The following LTV1 variants were observed in gnomAD, a reference collection of about 807,000 sequenced individuals.
LTV1 encodes protein LTV1 homolog.
Under a neutral mutation model 59.9 loss-of-function variants are expected in LTV1, and 39 were observed. The ratio of observed to expected loss-of-function variants is 0.65; its 90% CI spans 0.50 to 0.85. LTV1 has a LOEUF of 0.85. Among genes scored for constraint, LTV1 ranks in the 40% least tolerant of loss-of-function variants. The pLI is 0.00. For synonymous variants in LTV1, 171 were observed against 189.5 expected (o/e 0.90, Z 0.80); for missense variants, 493 against 549.1 (o/e 0.90, Z 1.02).
In LTV1 at chr6:143,863,104, T is replaced by G. The variant is rs1439959045; in HGVS notation, c.1135T>G (p.Ser379Ala). ...YQPKPKQIRI[S>A]SKTGIPLNVL... is the part of the protein sequence containing the mutation. Reference sequence around the variant, plus strand: ...ATTTCAGCCCAAACAAATTCGAATATCTTCTAAAACAGGAATACCTCTCAA... The same window carrying G: ...ATTTCAGCCCAAACAAATTCGAATAGCTTCTAAAACAGGAATACCTCTCAA... The change falls in exon 10 of 11, where the codon TCT (serine) becomes GCT (alanine). Residue 379 changes from serine (S) to alanine (A), a missense_variant. Ser to Ala is a moderately conservative substitution (Grantham distance 99). Transcript: ENST00000367576. The surrounding 1 kb of genome is among the most constrained non-coding windows in gnomAD (Gnocchi z 4.5). The G allele has an allele frequency of 6.2e-7, 1 of 1,613,738 alleles. No individual in the cohort carries two copies. Among genetic ancestry groups the G allele is most frequent in the Non-Finnish European group, 8.5e-7 (1 of 1,179,808 alleles).
In LTV1 at chr6:143,850,221, A is replaced by AGGGGGAAG; in HGVS notation, c.397+3_397+4insGGGGGAAG. The AGGGGGAAG allele has an allele frequency of 6.2e-7, 1 of 1,608,766 alleles. No homozygotes were observed. The highest frequency in any genetic ancestry group is 8.5e-7 in the Non-Finnish European group (1 of 1,175,934). Reference sequence around the variant, plus strand: ...AAATAAAGCAGCTCCAGTTTCAGGTATTTTTAATTGCTTTATCTTTTCATA... The same window carrying AGGGGGAAG: ...AAATAAAGCAGCTCCAGTTTCAGGTAGGGGGAAGTTTTTAATTGCTTTATCTTTTCATA... On this transcript the variant is annotated splice_donor_region_variant and intron_variant, in intron 4 of 10. Coordinates refer to ENST00000367576, the MANE Select transcript of LTV1 (RefSeq NM_032860.5).
chr6:143,848,469 A>G (rs1353238670), intron 3 of LTV1, among the ~76,000 whole-genome samples: 3 of 152,198 alleles, frequency 2.0e-5, no homozygotes, highest in African/African-American at 7.2e-5. Context: ...GTACACTGCC[A>G]TATGTAGCCT....
In LTV1 at chr6:143,849,086, A is replaced by G. The variant is rs568640147; in HGVS notation, c.310-1045A>G. On this transcript the variant is annotated intron_variant, in intron 3 of 10. Transcript: ENST00000367576. ...CCTGTCAGAAACTCAAGAAGGTCAC[A>G]TGAAAAACTATTAAAGGAGCTTAAT... 6.6e-5 allele frequency among the ~76,000 whole-genome samples: 10 copies of G among 152,342 alleles called. No homozygotes were observed. The East Asian group carries it at 1.9e-3, about 29-fold the overall frequency.
chr6:143,850,924 G>T (rs1261495891), intron 4 of LTV1, among the ~76,000 whole-genome samples: 2 of 152,106 alleles, frequency 1.3e-5, no homozygotes, highest in East Asian at 3.8e-4. Context: ...TAATAGTGGG[G>T]TGAGTAGCAC....
chr6:143,844,395 T>C (rs1776853543), intron 1 of LTV1, 91 bp from the exon 2 acceptor site: 1 of 1,354,266 alleles, frequency 7.4e-7, no homozygotes, highest in Non-Finnish European at 1.0e-6. Context: ...ATCTTTAACA[T>C]GACTACTAAA....
In LTV1 at chr6:143,855,537, A is replaced by G. The variant is rs1777061026; in HGVS notation, c.398-1766A>G. ...TTAGTTTATGCAGTTTCTTCTTAGT[A>G]TCGATGGTCTTTACTGTTTGGTACG... On this transcript the variant is annotated intron_variant, in intron 4 of 10. Coordinates refer to ENST00000367576, the MANE Select transcript of LTV1 (RefSeq NM_032860.5). This position sits in a 1 kb window ranked among gnomAD's most constrained non-coding sequence, Gnocchi z 4.6. Among the ~76,000 whole-genome samples, 1 of 152,126 alleles carries G rather than the reference A, an allele frequency of 6.6e-6. No individual in the cohort carries two copies. Among genetic ancestry groups the G allele is most frequent in the Non-Finnish European group, 1.5e-5 (1 of 68,020 alleles).
At chr6:143,853,680 G>C (rs1170081280) in intron 4 of LTV1, among the ~76,000 whole-genome samples, 3 of 152,116 alleles carry the variant, frequency 2.0e-5, no homozygotes, top group East Asian at 1.9e-4. Flanking sequence ...TAGCATGAAG[G>C]GGTGTTGAAT....
chr6:143,860,404 C>CT (rs1562332811), intron 6 of LTV1, 22 bp from the exon 7 acceptor site: 12 of 1,607,048 alleles, frequency 7.5e-6, no homozygotes, highest in Non-Finnish European at 1.0e-5. Context: ...TTCATGGTAT[C>CT]TTTTCTCTGT....
rs1377932241 is a variant in LTV1 at position 143,857,448 on chromosome 6, T to C, written c.539+4T>C. The C allele has an allele frequency of 6.2e-7, 1 of 1,612,538 alleles. No individual in the cohort carries two copies. The highest frequency in any genetic ancestry group is 8.5e-7 in the Non-Finnish European group (1 of 1,178,726). ...AGGAAGAGGGAATGGATATACAGTA[T>C]GTGTGGTTTGTTTCAAAGCAGAGAT... On this transcript the variant is annotated splice_donor_region_variant and intron_variant, in intron 5 of 10. Coordinates refer to ENST00000367576, the MANE Select transcript of LTV1 (RefSeq NM_032860.5). The surrounding 1 kb of genome is among the most constrained non-coding windows in gnomAD (Gnocchi z 5.2).
chr6:143,845,248 T>A (rs1776872416), intron 2 of LTV1, among the ~76,000 whole-genome samples: 1 of 152,158 alleles, frequency 6.6e-6, no homozygotes, highest in African/African-American at 2.4e-5. Context: ...CAACACTTAT[T>A]AAGTGTAGAT....
Position 143,843,382 on chromosome 6 carries a change from T to TCTG in LTV1, c.-96_-95insCTG. The TCTG allele has an allele frequency of 1.3e-6, 2 of 1,499,438 alleles. No homozygotes were observed. Among genetic ancestry groups the TCTG allele is most frequent in the South Asian group, 2.2e-5 (2 of 88,992 alleles). 92.9% of individuals were successfully genotyped at this position (1,499,438 alleles called of 1,614,324 possible). ...CTGGGGCTGCACGTGTGGTGAGGCC[T>TCTG]ACAGAAGCGGCCTTCAGCTGGACCT... On this transcript the variant is annotated 5_prime_UTR_variant, in exon 1 of 11. Transcript: ENST00000367576.
chr6:143,849,989 A>T, intron 3 of LTV1, 142 bp from the exon 4 acceptor site: 1 of 597,960 alleles, frequency 1.7e-6, no homozygotes, highest in South Asian at 2.1e-5. Context: ...ACCTCATCTT[A>T]TTATAGTTGA....
At chr6:143,844,689 T>C in intron 2 of LTV1, 72 bp downstream of exon 2, 1 of 1,466,684 alleles carries the variant, frequency 6.8e-7, no homozygotes, top group Non-Finnish European at 9.2e-7. Context: ...TTTTTTTAAA[T>C]AAATAGAGTC....
In LTV1 at chr6:143,855,369, G is replaced by A. The variant is rs1777057467; in HGVS notation, c.398-1934G>A. ...ACATGAGATAGGTCTCCTGAATACA[G>A]CACACTGATGGGTCTTGACTCTTTA... On this transcript the variant is annotated intron_variant, in intron 4 of 10. Coordinates refer to ENST00000367576, the MANE Select transcript of LTV1 (RefSeq NM_032860.5). This position sits in a 1 kb window ranked among gnomAD's most constrained non-coding sequence, Gnocchi z 4.6. Among the ~76,000 whole-genome samples, 1 of 152,132 alleles carries A rather than the reference G, an allele frequency of 6.6e-6. No homozygotes were observed. The highest frequency in any genetic ancestry group is 2.4e-5 in the African/African-American group (1 of 41,412).
chr6:143,850,070 G>T, intron 3 of LTV1, 61 bp from the exon 4 acceptor site: 1 of 1,350,114 alleles, frequency 7.4e-7, no homozygotes, highest in Non-Finnish European at 1.1e-6. Context: ...ACTTCAACCC[G>T]GTACACTAGT....
chr6:143,858,564 TG>T (rs1777116208), intron 6 of LTV1: 1 of 154,976 alleles, frequency 6.5e-6, no homozygotes, highest in Non-Finnish European at 1.4e-5. Flanking sequence ...AAGCCTAAAA[TG>T]GTGTCTTGGC....
At chr6:143,847,276 T>C (rs927829094) in intron 3 of LTV1, among the ~76,000 whole-genome samples, 1 of 152,238 alleles carries the variant, frequency 6.6e-6, no homozygotes, top group South Asian at 2.1e-4. Context: ...GGTTCCTTAG[T>C]GGCTCAACTT....
intron 3 of LTV1, among the ~76,000 whole-genome samples, chr6:143,847,407 G>A (rs1421200842): frequency 6.6e-6 from 1 of 152,206 alleles, no homozygotes; most frequent in Non-Finnish European, 1.5e-5. Context: ...TGTTGCCCAG[G>A]CTGGAGTGCA....
chr6:143,863,181 G>A lies in LTV1; in HGVS notation c.1212G>A (p.Met404Ile), dbSNP rs1777200468. The change falls in exon 10 of 11, where the codon ATG (methionine) becomes ATA (isoleucine). Residue 404 changes from methionine (M) to isoleucine (I), a missense_variant. Physicochemically the swap from Met to Ile is conservative, Grantham distance 10. Transcript: ENST00000367576. The surrounding 1 kb of genome is among the most constrained non-coding windows in gnomAD (Gnocchi z 4.5). ...LTAKQTERIQ[M>I]INGSDLPKVS... ...CAAAGCAAACTGAAAGAATACAGAT[G>A]ATTAATGGCAGTGATCTTCCTAAAG... The A allele has an allele frequency of 6.2e-7, 1 of 1,613,968 alleles. No individual in the cohort carries two copies. The highest frequency in any genetic ancestry group is 1.1e-5 in the South Asian group (1 of 91,066).
Sources: gnomAD v4.1 joint callset for allele counts (sites outside exome capture counted in the v4.1 genomes callset) on GRCh38, gnomAD v4.1.1 for gene constraint, Gnocchi (gnomAD v3.1) non-coding constraint, MANE v1.5 for transcripts, NCBI Gene and HGNC (gene_info 2026-07-23, HGNC 2026-07-21) for gene names.